Variants in MACROD2 observed in about 807,000 individuals in gnomAD.
MACROD2 encodes mono-ADP ribosylhydrolase 2.
A neutral mutation model predicts 70.4 loss-of-function variants in MACROD2; 36 were observed. The observed-to-expected ratio is 0.51, with a 90% CI of 0.39 to 0.68. MACROD2 has a LOEUF of 0.68. Among genes scored for constraint, MACROD2 ranks in the 30% least tolerant of loss-of-function variants. The pLI is 0.00. For synonymous variants in MACROD2, 172 were observed against 178.8 expected (o/e 0.96, Z 0.30); for missense variants, 496 against 538.4 (o/e 0.92, Z 0.78).
intron 7 of MACROD2, among the ~76,000 whole-genome samples, chr20:15,494,736 G>GGGGT (rs1555829343): frequency 4.5e-4 from 50 of 110,142 alleles, no homozygotes; most frequent in Non-Finnish European, 6.9e-4. Context: ...TGCATAATGG[G>GGGGT]GTGTGTGTGT....
intron 5 of MACROD2, among the ~76,000 whole-genome samples, chr20:14,808,760 GAA>G (rs533747492): frequency 0.055 from 6,970 of 127,884 alleles, 229 homozygotes; most frequent in African/African-American, 0.061. Context: ...AAAATGGAAA[GAA>G]AAAAAAAAAA....
intron 7 of MACROD2, among the ~76,000 whole-genome samples, chr20:15,444,284 C>T (rs1184484412): frequency 1.3e-5 from 2 of 152,168 alleles, no homozygotes. Context: ...CAATGTTCCA[C>T]ATTTTGTCTG....
intron 4 of MACROD2, among the ~76,000 whole-genome samples, chr20:14,584,158 G>A (rs148282219): frequency 6.6e-6 from 1 of 152,034 alleles, no homozygotes; most frequent in African/African-American, 2.4e-5. Flanking sequence ...AACTCAAGTG[G>A]GTCCAAATTT....
At chr20:14,929,696 C>A (rs1010213991) in intron 5 of MACROD2, among the ~76,000 whole-genome samples, 3 of 152,070 alleles carry the variant, frequency 2.0e-5, no homozygotes, top group African/African-American at 7.2e-5. Flanking sequence ...TGGCAAGGGG[C>A]TCCCATCCTC....
intron 15 of MACROD2, among the ~76,000 whole-genome samples, chr20:16,009,481 G>C (rs1379060571): frequency 6.6e-6 from 1 of 152,206 alleles, no homozygotes; most frequent in East Asian, 1.9e-4. Flanking sequence ...GAGGGGCCAG[G>C]CACGGTGGCT....
chr20:14,220,200 G>T (rs1002100553), intron 3 of MACROD2, among the ~76,000 whole-genome samples: 1 of 152,130 alleles, frequency 6.6e-6, no homozygotes, highest in Non-Finnish European at 1.5e-5. Flanking sequence ...GGCGGGTCTT[G>T]CTGCGGCTGC....
At chr20:15,253,303 A>G (rs2077171564) in intron 6 of MACROD2, among the ~76,000 whole-genome samples, 1 of 152,152 alleles carries the variant, frequency 6.6e-6, no homozygotes, top group Admixed American at 6.5e-5. Context: ...TTAAGACTCA[A>G]TGACCCACAA....
chr20:15,695,346 C>T (rs566005642), intron 8 of MACROD2, among the ~76,000 whole-genome samples: 13 of 151,792 alleles, frequency 8.6e-5, no homozygotes, highest in Admixed American at 3.3e-4. Context: ...TACCCATCCA[C>T]GAGCATGGGA....
At chr20:14,901,509 A>T (rs1390145540) in intron 5 of MACROD2, among the ~76,000 whole-genome samples, 1 of 152,110 alleles carries the variant, frequency 6.6e-6, no homozygotes, top group Non-Finnish European at 1.5e-5. Flanking sequence ...CTTGAAACGA[A>T]CTTTAGGATA....
Position 14,784,999 on chromosome 20 carries a change from GAAT to G in MACROD2, c.418+100043_418+100045del, listed in dbSNP as rs1445582877. On this transcript the variant is annotated intron_variant, in intron 5 of 17. Coordinates refer to ENST00000684519, the MANE Select transcript of MACROD2 (RefSeq NM_001351661.2). ...TTCTGAGAAGAAAGAAAACTCAATGGAATAACAGTAAATTCTGTAAAAAACATT... is the reference window on the plus strand; with the variant it reads ...TTCTGAGAAGAAAGAAAACTCAATGGAACAGTAAATTCTGTAAAAAACATT... Among the ~76,000 whole-genome samples, 3 of 152,062 alleles carry G rather than the reference GAAT, an allele frequency of 2.0e-5. No homozygotes were observed. In the East Asian group the frequency reaches 5.8e-4, roughly 29 times the overall value.
chr20:15,946,656 C>G (rs1163056905), intron 12 of MACROD2, among the ~76,000 whole-genome samples: 1 of 152,160 alleles, frequency 6.6e-6, no homozygotes, highest in East Asian at 1.9e-4. Flanking sequence ...ATGTTCTCCA[C>G]AAAGCTCAAT....
rs138465538 is a variant in MACROD2, at chr20:14,526,969, G to T, written c.301+33461G>T. The stretch of plus-strand genomic sequence containing the variant: ...ATCCTGGGACTCTTGCCTTGGTGTT[G>T]TACGGATCATATGTGGACTTGGAGA... On this transcript the variant is annotated intron_variant, in intron 4 of 17. Transcript: ENST00000684519. 3.2e-3 allele frequency among the ~76,000 whole-genome samples: 488 copies of T among 152,354 alleles called. 3 individuals are homozygous for T. Among genetic ancestry groups the T allele is most frequent in the South Asian group, 0.016 (77 of 4,834 alleles).
chr20:14,166,365 G>C (rs934021755), intron 3 of MACROD2, among the ~76,000 whole-genome samples: 1 of 151,654 alleles, frequency 6.6e-6, no homozygotes, highest in South Asian at 2.1e-4. Flanking sequence ...TGTTATACTT[G>C]CATCTGTTTC....
chr20:15,401,954 C>T (rs959565774), intron 6 of MACROD2, among the ~76,000 whole-genome samples: 1 of 152,140 alleles, frequency 6.6e-6, no homozygotes, highest in African/African-American at 2.4e-5. Context: ...ATGTTAAGAA[C>T]CTTAAATTTC....
chr20:15,111,826 C>G (rs2075957635), intron 5 of MACROD2, among the ~76,000 whole-genome samples: 1 of 152,206 alleles, frequency 6.6e-6, no homozygotes, highest in Non-Finnish European at 1.5e-5. Flanking sequence ...CAGGAAACCC[C>G]TAACTGGGAG....
At chr20:15,538,631 C>T (rs866916430) in intron 8 of MACROD2, among the ~76,000 whole-genome samples, 10 of 152,234 alleles carry the variant, frequency 6.6e-5, no homozygotes, top group Admixed American at 6.5e-5. Flanking sequence ...GAAGTAGAGA[C>T]TGAGAAGAGA....
At chr20:15,071,656 C>CAGTCTATGTTTATTTAA (rs2075620088) in intron 5 of MACROD2, among the ~76,000 whole-genome samples, 1 of 152,042 alleles carries the variant, frequency 6.6e-6, no homozygotes, top group Non-Finnish European at 1.5e-5. Context: ...TTATTTTAAA[C>CAGTCTATGTTTATTTAA]AAGTCTATGT....
In MACROD2 at chr20:15,180,588, G is replaced by A. The variant is rs767298728; in HGVS notation, c.419-49352G>A. On this transcript the variant is annotated intron_variant, in intron 5 of 17. Transcript: ENST00000684519. ...ATGTCACTGGGCCTTTGCATGCACC[G>A]TGCCCTCTCTGGGAACACTTTTCCC... Among the ~76,000 whole-genome samples the A allele has an allele frequency of 5.0e-4, 76 of 152,156 alleles. 1 individual carries two copies. Among genetic ancestry groups the A allele is most frequent in the Admixed American group, 3.3e-4 (5 of 15,286 alleles).
intron 15 of MACROD2, among the ~76,000 whole-genome samples, chr20:16,014,664 G>C (rs2066906623): frequency 6.6e-6 from 1 of 152,306 alleles, no homozygotes; most frequent in South Asian, 2.1e-4. Flanking sequence ...TCCCCTTCCT[G>C]TCCCTGGCTC....
Sources: gnomAD v4.1 joint callset for allele counts (sites outside exome capture counted in the v4.1 genomes callset) on GRCh38, gnomAD v4.1.1 for gene constraint, MANE v1.5 for transcripts, NCBI Gene and HGNC (gene_info 2026-07-23, HGNC 2026-07-21) for gene names.